Variants in CEP76 observed in about 807,000 individuals in gnomAD.
CEP76 encodes centrosomal protein of 76 kDa.
Under a neutral mutation model 83.3 loss-of-function variants are expected in CEP76, and 55 were observed. The ratio of observed to expected loss-of-function variants is 0.66; its 90% CI spans 0.53 to 0.83. CEP76 has a LOEUF of 0.83. CEP76 is among the 40% of genes least tolerant of loss of function. The pLI is 0.00. For missense variants in CEP76, 694 were observed against 799.5 expected, an observed-to-expected ratio of 0.87 and a Z score of 1.59; for synonymous variants, 270 against 274.5, an observed-to-expected ratio of 0.98 and a Z score of 0.16.
intron 12 of CEP76, chr18:12,665,008 G>GA (rs1192277437): frequency 1.3e-5 from 2 of 152,004 alleles, no homozygotes; most frequent in Non-Finnish European, 2.9e-5. Context: ...TCTTTATTGA[G>GA]AAAAGATGGC....
At chr18:12,683,876 A>G (rs2039442276) in intron 8 of CEP76, among the ~76,000 whole-genome samples, 1 of 152,072 alleles carries the variant, frequency 6.6e-6, no homozygotes, top group South Asian at 2.1e-4. Flanking sequence ...AATAAATGAT[A>G]CATATACAGC....
At chr18:12,688,272 A>C (rs2039620589) in intron 7 of CEP76, among the ~76,000 whole-genome samples, 1 of 151,930 alleles carries the variant, frequency 6.6e-6, no homozygotes, top group Non-Finnish European at 1.5e-5. Context: ...CTTAAAGTTC[A>C]ATTTCTGTAA....
intron 9 of CEP76, among the ~76,000 whole-genome samples, chr18:12,679,892 A>C (rs1359907788): frequency 6.6e-6 from 1 of 151,956 alleles, no homozygotes; most frequent in African/African-American, 2.4e-5. Context: ...GCAAAAGCTC[A>C]TCCCTACAAA....
At chr18:12,698,865 T>C (rs1322729293) in intron 4 of CEP76, 114 bp downstream of exon 4, 2 of 729,146 alleles carry the variant, frequency 2.7e-6, no homozygotes, top group East Asian at 2.7e-5. Flanking sequence ...GGAAACAAAA[T>C]AGAGATTCCT....
chr18:12,677,458 C>CA (rs71174127), intron 10 of CEP76, among the ~76,000 whole-genome samples: 797 of 53,902 alleles, frequency 0.015, 83 homozygotes, highest in East Asian at 0.034. Context: ...GATTCCATCT[C>CA]AAAAAAAAAA....
exon 13 of CEP76, chr18:12,661,971 ATT>A (rs900829626): frequency 3.9e-6 from 1 of 255,766 alleles, no homozygotes; most frequent in African/African-American, 2.3e-5. Context: ...TGTTTTGTTG[ATT>A]TTGTTACTTT....
At chr18:12,666,528 C>T (rs1470529793) in intron 12 of CEP76, among the ~76,000 whole-genome samples, 2 of 146,786 alleles carry the variant, frequency 1.4e-5, no homozygotes, top group African/African-American at 5.0e-5. Context: ...AGCCTCCTAA[C>T]GTCCCGCCTC....
chr18:12,685,152 C>G (rs1402096422), intron 8 of CEP76: 1 of 152,044 alleles, frequency 6.6e-6, no homozygotes, highest in Non-Finnish European at 1.5e-5. Context: ...AGGCACGTGC[C>G]ACCACACCAC....
intron 10 of CEP76, among the ~76,000 whole-genome samples, chr18:12,677,190 C>T (rs1341686894): frequency 6.6e-6 from 1 of 152,092 alleles, no homozygotes; most frequent in Non-Finnish European, 1.5e-5. Flanking sequence ...CAGTGGCTCA[C>T]AACTGTAATC....
At chr18:12,691,287 T>A (rs1480332013) in intron 7 of CEP76, 72 bp downstream of exon 7, 7 of 942,410 alleles carry the variant, frequency 7.4e-6, no homozygotes, top group African/African-American at 3.4e-5. Flanking sequence ...AAATAAATAT[T>A]AAATGAAATT....
downstream of CEP76, among the ~76,000 whole-genome samples, chr18:12,668,791 T>C (rs2038864580): frequency 8.0e-6 from 1 of 125,558 alleles, no homozygotes; most frequent in East Asian, 2.5e-4. Flanking sequence ...CAGGCTGGAG[T>C]GTAGTGGAGA....
At chr18:12,702,295 T>C (rs1461611742) in intron 1 of CEP76, 191 bp downstream of exon 1, 1 of 551,800 alleles carries the variant, frequency 1.8e-6, no homozygotes, top group African/African-American at 2.0e-5. Flanking sequence ...CCTGCTCGGC[T>C]CGTTTTCTTT....
intron 12 of CEP76, among the ~76,000 whole-genome samples, chr18:12,666,529 G>T (rs1158214292): frequency 2.8e-5 from 4 of 145,026 alleles, no homozygotes; most frequent in Admixed American, 7.3e-5. Context: ...GCCTCCTAAC[G>T]TCCCGCCTCA....
chr18:12,675,612 G>A (rs1341800008), intron 10 of CEP76, among the ~76,000 whole-genome samples: 3 of 151,918 alleles, frequency 2.0e-5, no homozygotes, highest in African/African-American at 7.3e-5. Context: ...AGGCCCTTAG[G>A]GAGCTTAAAA....
At chr18:12,697,437 C>A (rs750135488) in intron 4 of CEP76, 29 bp from the exon 5 acceptor site, 2 of 1,469,760 alleles carry the variant, frequency 1.4e-6, no homozygotes, top group South Asian at 1.2e-5. Context: ...CGAAATTATA[C>A]CACACTACAT....
At chr18:12,690,864 T>C (rs764563647) in intron 7 of CEP76, among the ~76,000 whole-genome samples, 2 of 152,166 alleles carry the variant, frequency 1.3e-5, no homozygotes, top group African/African-American at 2.4e-5. Context: ...TAAACATTAC[T>C]GGTCACTGGC....
At chr18:12,681,330 T>C (rs984394896) in intron 8 of CEP76, among the ~76,000 whole-genome samples, 17 of 149,550 alleles carry the variant, frequency 1.1e-4, no homozygotes, top group African/African-American at 4.2e-4. Context: ...CATAGCAGCC[T>C]TGACCTCCTG....
At chr18:12,702,265 G>T (rs1378482898) in intron 1 of CEP76, among the ~76,000 whole-genome samples, 2 of 152,134 alleles carry the variant, frequency 1.3e-5, no homozygotes, top group African/African-American at 4.8e-5. Flanking sequence ...TCGTTCTATC[G>T]CCCCAGACTC....
At chr18:12,694,691 A>G (rs2039884675) in intron 6 of CEP76, among the ~76,000 whole-genome samples, 1 of 151,918 alleles carries the variant, frequency 6.6e-6, no homozygotes, top group Non-Finnish European at 1.5e-5. Context: ...GATCTTCTTC[A>G]GCTTTATCCT....
Sources: gnomAD v4.1 joint callset for allele counts (sites outside exome capture counted in the v4.1 genomes callset) on GRCh38, gnomAD v4.1.1 for gene constraint, MANE v1.5 for transcripts, NCBI Gene and HGNC (gene_info 2026-07-23, HGNC 2026-07-21) for gene names.